The following AARSD1 variants were observed in gnomAD, a reference collection of about 807,000 sequenced individuals.
AARSD1 encodes alanyl-tRNA editing protein Aarsd1.
A neutral mutation model predicts 48.7 loss-of-function variants in AARSD1; 44 were observed. That is an observed-to-expected ratio of 0.90 (90% confidence interval 0.71 to 1.16). The LOEUF is 1.16. Among genes scored for constraint, AARSD1 ranks in the 50% most tolerant of loss-of-function variants. The pLI is 0.00. For missense variants in AARSD1, 511 were observed against 523.1 expected, an observed-to-expected ratio of 0.98 and a Z score of 0.23; for synonymous variants, 189 against 194.9, an observed-to-expected ratio of 0.97 and a Z score of 0.25.
rs768805369 is a variant in AARSD1 at position 42,951,867 on chromosome 17, C to G, written c.1036G>C (p.Asp346His). ...EETLLFLTVG[D>H]EKGGGLFLLA... ...AAGAAGAGTCCACCACCTTTCTCAT[C>G]GCCCACAGTTAAGAACAGGAGGGTC... The change falls in exon 11 of 12, where the codon GAT (aspartate) becomes CAT (histidine). Residue 346 changes from aspartate (D) to histidine (H), a missense_variant. By Grantham distance (81) the Asp-to-His change is moderately conservative (BLOSUM62 -1). Transcript: ENST00000427569. 5 of 1,614,162 alleles carry G rather than the reference C, an allele frequency of 3.1e-6. No homozygotes were observed. The Admixed American group carries it at 6.7e-5, about 22-fold the overall frequency.
rs763671610 is a variant in AARSD1, at chr17:42,950,642, G to A, written c.1190C>T (p.Ala397Val). ...KATKMSRRMEAQALLQDYIST... is the reference protein window; with the variant it reads ...KATKMSRRMEVQALLQDYIST... ...GATGTAGTCCTGGAGAAGCGCCTGC[G>A]CCTCCATCCGCCGGCTCATCTTGGT... Residue 397 changes from alanine (A) to valine (V), a missense_variant, in exon 12 of 12, where the codon GCG becomes GTG. Transcript: ENST00000427569. 17 of 1,613,860 alleles carry A rather than the reference G, an allele frequency of 1.1e-5. No homozygotes were observed. Among genetic ancestry groups the A allele is most frequent in the East Asian group, 6.7e-5 (3 of 44,894 alleles).
intron 2 of AARSD1, chr17:42,962,436 G>A (rs1159246396): frequency 6.4e-6 from 1 of 155,062 alleles, no homozygotes; most frequent in Non-Finnish European, 1.4e-5. Flanking sequence ...GAGAACAGAG[G>A]CTGGAAAACA....
At chr17:42,962,272 C>A in intron 2 of AARSD1, 2 of 225,070 alleles carry the variant, frequency 8.9e-6, no homozygotes, top group South Asian at 3.7e-5. Flanking sequence ...TGCGCTCCAG[C>A]CTGGCAACAG....
chr17:42,951,939 A>G, intron 10 of AARSD1, 45 bp from the exon 11 acceptor site: 2 of 1,599,388 alleles, frequency 1.3e-6, no homozygotes, highest in Non-Finnish European at 8.6e-7. Context: ...TGAAGGATGT[A>G]GAGTCAACCC....
Position 42,956,323 on chromosome 17 carries a change from G to A in AARSD1, c.547-3C>T. 6.2e-7 allele frequency: 1 copy of A among 1,614,106 alleles called. No individual in the cohort carries two copies. Among genetic ancestry groups the A allele is most frequent in the Non-Finnish European group, 8.5e-7 (1 of 1,180,038 alleles). On this transcript the variant is annotated splice_polypyrimidine_tract_variant and splice_region_variant and intron_variant, in intron 5 of 11. Transcript: ENST00000427569. Reference sequence around the variant, plus strand: ...TCAGGCAAACCCCGGCCACTCACCTGGACTCAAGGAGAGGGGAGGGACTGT... The same window carrying A: ...TCAGGCAAACCCCGGCCACTCACCTAGACTCAAGGAGAGGGGAGGGACTGT...
chr17:42,957,180 G>A lies in AARSD1; in HGVS notation c.347C>T (p.Thr116Met), dbSNP rs778570584. The change falls in exon 4 of 12, where the codon ACG becomes ATG. Residue 116 changes from threonine to methionine, a missense_variant. Transcript: ENST00000427569. ...CTTAAATAGATGGTCAGCAACTGCC[G>A]TGATGAGATGCTGCCCTAAGCAAAG... The part of the protein sequence containing the change: ...MQQHSGQHLI[T>M]AVADHLFKLK... 9.3e-6 allele frequency: 15 copies of A among 1,613,600 alleles called. No individual in the cohort carries two copies. Among genetic ancestry groups the A allele is most frequent in the East Asian group, 2.2e-5 (1 of 44,866 alleles).
At chr17:42,958,683 G>C (rs903902593) in intron 3 of AARSD1, among the ~76,000 whole-genome samples, 1 of 149,172 alleles carries the variant, frequency 6.7e-6, no homozygotes. Context: ...CGATTCTCCT[G>C]CCTCAGCCTC....
rs368682971 is a variant in AARSD1 at position 42,951,868 on chromosome 17, G to A, written c.1035C>T (p.Gly345=). 3.6e-5 allele frequency: 58 copies of A among 1,613,992 alleles called. No individual in the cohort carries two copies. The African/African-American group carries it at 4.8e-4, about 13-fold the overall frequency. ...AGAAGAGTCCACCACCTTTCTCATC[G>A]CCCACAGTTAAGAACAGGAGGGTCT... The part of the protein sequence containing the change: ...SEETLLFLTV[G]DEKGGGLFLL... Residue 345 remains glycine (G), a synonymous_variant, in exon 11 of 12, where the codon GGC becomes GGT. Transcript: ENST00000427569.
At chr17:42,960,552 G>A (rs965376872) in intron 3 of AARSD1, among the ~76,000 whole-genome samples, 4 of 151,610 alleles carry the variant, frequency 2.6e-5, no homozygotes, top group Admixed American at 2.0e-4. Flanking sequence ...GTGAAACACC[G>A]TCTCTATTAA....
At position 42,961,283 on chromosome 17, in the gene AARSD1, A is replaced by T. The variant is rs1196967459; in HGVS notation, c.240T>A (p.Asp80Glu). Residue 80 changes from aspartate to glutamate, a missense_variant, in exon 3 of 12, where the codon GAT becomes GAA. Physicochemically the swap from Asp to Glu is conservative, Grantham distance 45 (BLOSUM62 2). Coordinates refer to ENST00000427569, the MANE Select transcript of AARSD1 (RefSeq NM_001261434.2). ...GATCCAGGGGTGTCTGGGTGAAATG[A>T]TCAGCCTGTTCCCCACGGCGAGTCA... ...LRVTRRGEQA[D>E]HFTQTPLDPG... is the part of the protein sequence containing the mutation. 1 of 1,614,142 alleles carries T rather than the reference A, an allele frequency of 6.2e-7. No individual in the cohort carries two copies. Among genetic ancestry groups the T allele is most frequent in the Non-Finnish European group, 8.5e-7 (1 of 1,180,022 alleles).
chr17:42,959,083 G>C (rs2049596637), intron 3 of AARSD1, among the ~76,000 whole-genome samples: 1 of 143,046 alleles, frequency 7.0e-6, no homozygotes, highest in Non-Finnish European at 1.5e-5. Flanking sequence ...CGTAATCCCA[G>C]CTACTCAGGA....
chr17:42,951,651 G>C lies in AARSD1; in HGVS notation c.1103+149C>G, dbSNP rs2049480119. ...AACTGTCAAACTGGAAATGACAGTA[G>C]TAATAATTATCTCTGCTCAGCCCAC... On this transcript the variant is annotated intron_variant, in intron 11 of 11. Transcript: ENST00000427569. 4.0e-6 allele frequency: 3 copies of C among 754,338 alleles called. No homozygotes were observed. In the South Asian group the frequency reaches 5.8e-5, roughly 15 times the overall value. 46.7% of individuals were successfully genotyped at this position (754,338 alleles called of 1,614,324 possible). A position where few individuals can be genotyped will look rare whatever the true frequency, so the allele number is the denominator to read the frequency against.
At chr17:42,961,486 T>C in intron 2 of AARSD1, 135 bp from the exon 3 acceptor site, 1 of 1,254,718 alleles carries the variant, frequency 8.0e-7, no homozygotes, top group Non-Finnish European at 1.1e-6. Context: ...CCAAGTGAAA[T>C]GAGTCCACTT....
Position 42,961,359 on chromosome 17 carries a change from A to G in AARSD1, c.172-8T>C, listed in dbSNP as rs2049635597. The G allele has an allele frequency of 6.2e-7, 1 of 1,613,972 alleles. No individual in the cohort carries two copies. Among genetic ancestry groups the G allele is most frequent in the Non-Finnish European group, 8.5e-7 (1 of 1,179,964 alleles). ...TGTACCACGGTCATCAGGCTGGTGGAAATAAGTAAACGTAATCAATGGCAA... is the reference window on the plus strand; with the variant it reads ...TGTACCACGGTCATCAGGCTGGTGGGAATAAGTAAACGTAATCAATGGCAA... On this transcript the variant is annotated splice_region_variant and splice_polypyrimidine_tract_variant and intron_variant, in intron 2 of 11. Transcript: ENST00000427569.
chr17:42,962,411 G>A (rs1003993840), intron 2 of AARSD1: 2 of 158,492 alleles, frequency 1.3e-5, no homozygotes, highest in African/African-American at 4.8e-5. Flanking sequence ...GTACCTCATG[G>A]AACTTAAGAG....
chr17:42,958,016 C>A (rs2049582129), intron 3 of AARSD1, among the ~76,000 whole-genome samples: 1 of 152,008 alleles, frequency 6.6e-6, no homozygotes, highest in Non-Finnish European at 1.5e-5. Context: ...TCAAAGGAAT[C>A]CAGAGATGAC....
rs913328471 is a variant in AARSD1, at chr17:42,958,461, C to T, written c.332-1266G>A. 9.2e-5 allele frequency among the ~76,000 whole-genome samples: 14 copies of T among 151,536 alleles called. 1 individual carries two copies. Among genetic ancestry groups the T allele is most frequent in the African/African-American group, 3.4e-4 (14 of 41,226 alleles). On this transcript the variant is annotated intron_variant, in intron 3 of 11. Transcript: ENST00000427569. Reference sequence around the variant, plus strand: ...GAGCCAAGATTGCACCACGGCACTCCAGCCTGGGCAACAAAGTGAGACTCT... The same window carrying T: ...GAGCCAAGATTGCACCACGGCACTCTAGCCTGGGCAACAAAGTGAGACTCT...
chr17:42,958,652 C>T (rs1020324076), intron 3 of AARSD1, among the ~76,000 whole-genome samples: 12 of 150,566 alleles, frequency 8.0e-5, no homozygotes, highest in African/African-American at 2.9e-4. Context: ...CTCACTGCAA[C>T]CTCTGCCTCT....
At chr17:42,953,260 G>A (rs145641055) in intron 10 of AARSD1, among the ~76,000 whole-genome samples, 43 of 152,232 alleles carry the variant, frequency 2.8e-4, no homozygotes, top group African/African-American at 9.9e-4. Context: ...AATTACAGGC[G>A]TGAGCCACCA....
Sources: allele counts gnomAD v4.1 joint callset (sites outside exome capture counted in the v4.1 genomes callset), GRCh38; gene constraint gnomAD v4.1.1; transcripts MANE v1.5; gene names NCBI Gene and HGNC (gene_info 2026-07-23, HGNC 2026-07-21).